The following GABRA3 variants were observed in gnomAD, a reference collection of about 807,000 sequenced individuals.
GABRA3 encodes gamma-aminobutyric acid receptor subunit alpha-3.
In GABRA3, 10 loss-of-function variants were observed where a neutral mutation model predicts 30.1. The observed-to-expected ratio is 0.33, with a 90% confidence interval of 0.20 to 0.56. GABRA3 has a LOEUF of 0.56. Ranked by LOEUF, GABRA3 falls within the 20% of genes least tolerant of loss-of-function variation. GABRA3 has a pLI of 0.89. For synonymous variants in GABRA3, 151 were observed against 146.8 expected (o/e 1.03, Z -0.21); for missense variants, 233 against 392.0 (o/e 0.59, Z 3.42).
intron 2 of GABRA3, among the ~76,000 whole-genome samples, chrX:152,360,721 A>T (rs1165893794): frequency 1.4e-3 from 111 of 78,406 alleles, no homozygotes; most frequent in African/African-American, 5.0e-3. Context: ...TTAAAAAAAA[A>T]AAATTAAAAA....
intron 3 of GABRA3, among the ~76,000 whole-genome samples, chrX:152,298,445 A>G (rs1205034068): frequency 9.4e-6 from 1 of 106,122 alleles, no homozygotes; most frequent in African/African-American, 3.5e-5. Context: ...TCATTGTTCA[A>G]TTCCCACCTA....
intron 1 of GABRA3, among the ~76,000 whole-genome samples, chrX:152,373,099 T>A (rs760040425): frequency 5.8e-4 from 65 of 112,158 alleles, no homozygotes; most frequent in African/African-American, 2.1e-3. Context: ...CATACTTCTA[T>A]CTTTTTGTGG....
At chrX:152,280,542 T>A (rs1274004582) in intron 4 of GABRA3, among the ~76,000 whole-genome samples, 1 of 111,770 alleles carries the variant, frequency 8.9e-6, no homozygotes, top group Non-Finnish European at 1.9e-5. Flanking sequence ...GTTTGGATAC[T>A]AGGATAATGG....
intron 1 of GABRA3, among the ~76,000 whole-genome samples, chrX:152,418,952 T>C (rs1036333099): frequency 1.2e-4 from 13 of 111,808 alleles, no homozygotes; most frequent in African/African-American, 4.2e-4. Flanking sequence ...CATGGAATAC[T>C]ATGCAGCCAT....
At chrX:152,338,120 A>G (rs1437559593) in intron 3 of GABRA3, among the ~76,000 whole-genome samples, 2 of 111,877 alleles carry the variant, frequency 1.8e-5, no homozygotes, top group African/African-American at 6.5e-5. Context: ...TGTTCTGCAT[A>G]GTGCCCATAC....
intron 4 of GABRA3, among the ~76,000 whole-genome samples, chrX:152,282,773 G>A (rs1424636066): frequency 9.0e-6 from 1 of 111,567 alleles, no homozygotes; most frequent in African/African-American, 3.3e-5. Flanking sequence ...TGGTATGCCT[G>A]GGTTTAGGTA....
intron 7 of GABRA3, among the ~76,000 whole-genome samples, chrX:152,198,681 T>G (rs890723605): frequency 2.7e-5 from 3 of 112,008 alleles, no homozygotes; most frequent in Non-Finnish European, 3.8e-5. Context: ...AAGTCTCCTT[T>G]CCTGTTCCTT....
At chrX:152,185,876 A>G (rs1937246486) in intron 9 of GABRA3, among the ~76,000 whole-genome samples, 2 of 112,092 alleles carry the variant, frequency 1.8e-5, no homozygotes, top group Non-Finnish European at 3.8e-5. Context: ...TCAATGTTTA[A>G]TTGTTAAGCT....
At chrX:152,205,670 T>C (rs1486095469) in intron 7 of GABRA3, among the ~76,000 whole-genome samples, 1 of 112,026 alleles carries the variant, frequency 8.9e-6, no homozygotes, top group African/African-American at 3.2e-5. Flanking sequence ...ATGTGTGGTG[T>C]GTTCATTCTA....
At chrX:152,275,622 G>T (rs1411199621) in intron 4 of GABRA3, among the ~76,000 whole-genome samples, 1 of 106,643 alleles carries the variant, frequency 9.4e-6, no homozygotes, top group African/African-American at 3.4e-5. Flanking sequence ...AGCCAGGTGT[G>T]GTGGCGCGTG....
chrX:152,381,804 G>C (rs1435901937), intron 1 of GABRA3, among the ~76,000 whole-genome samples: 2 of 109,683 alleles, frequency 1.8e-5, no homozygotes, highest in Non-Finnish European at 3.8e-5. Flanking sequence ...TGCGGTGTTT[G>C]GCTTTCTGTT....
chrX:152,348,869 G>A (rs1423617799), intron 2 of GABRA3, among the ~76,000 whole-genome samples: 1 of 112,203 alleles, frequency 8.9e-6, no homozygotes, highest in Non-Finnish European at 1.9e-5. Flanking sequence ...TCTTGCTGGT[G>A]GAAGGTTTTG....
chrX:152,415,534 T>C (rs1032988597), intron 1 of GABRA3, among the ~76,000 whole-genome samples: 2 of 111,003 alleles, frequency 1.8e-5, no homozygotes, highest in Non-Finnish European at 3.8e-5. Flanking sequence ...TTTATCTTGA[T>C]TGTGATGGGG....
chrX:152,296,075 A>T (rs1758048805), intron 3 of GABRA3, among the ~76,000 whole-genome samples: 1 of 112,361 alleles, frequency 8.9e-6, no homozygotes, highest in Admixed American at 9.4e-5. Flanking sequence ...TTCTAAGGAT[A>T]GTGAGGTTTT....
intron 1 of GABRA3, among the ~76,000 whole-genome samples, chrX:152,450,324 C>T (rs1431858901): frequency 9.2e-6 from 1 of 109,052 alleles, no homozygotes; most frequent in African/African-American, 3.3e-5. Context: ...GCAGACAAAC[C>T]ATCAGGTGTT....
At chrX:152,335,494 C>A (rs1478212666) in intron 3 of GABRA3, among the ~76,000 whole-genome samples, 1 of 111,818 alleles carries the variant, frequency 8.9e-6, no homozygotes, top group Non-Finnish European at 1.9e-5. Context: ...AAACTGCAGA[C>A]CAGCTAGTTT....
At chrX:152,233,400 A>G (rs1257789193) in intron 5 of GABRA3, among the ~76,000 whole-genome samples, 1 of 110,554 alleles carries the variant, frequency 9.0e-6, no homozygotes, top group Non-Finnish European at 1.9e-5. Context: ...ATGAACAGAC[A>G]CTTCTCAAAA....
chrX:152,237,168 T>C (rs1240234216), intron 5 of GABRA3, among the ~76,000 whole-genome samples: 1 of 111,628 alleles, frequency 9.0e-6, no homozygotes, highest in Non-Finnish European at 1.9e-5. Context: ...GAATTGATTT[T>C]TGTCTAAGGT....
At chrX:152,344,510 T>C (rs1441226788) in intron 3 of GABRA3, among the ~76,000 whole-genome samples, 1 of 112,081 alleles carries the variant, frequency 8.9e-6, no homozygotes, top group Non-Finnish European at 1.9e-5. Context: ...AGGGATAATC[T>C]ATAGTTGTTA....
Sources: allele counts gnomAD v4.1 joint callset (sites outside exome capture counted in the v4.1 genomes callset), GRCh38; gene constraint gnomAD v4.1.1; transcripts MANE v1.5; gene names NCBI Gene and HGNC (gene_info 2026-07-23, HGNC 2026-07-21).